The following CFAP54 variants were observed in gnomAD, a reference collection of about 807,000 sequenced individuals.
CFAP54 encodes cilia and flagella associated protein 54.
In CFAP54, 290 loss-of-function variants were observed where a neutral mutation model predicts 370.4. The observed-to-expected ratio is 0.78, with a 90% CI of 0.71 to 0.86. CFAP54 has a LOEUF of 0.86. Ranked by LOEUF, CFAP54 falls within the 40% of genes least tolerant of loss-of-function variation. CFAP54 has a pLI of 0.00. For synonymous variants in CFAP54, 1,206 were observed against 1,236.5 expected, an observed-to-expected ratio of 0.98 and a Z score of 0.52; for missense variants, 3,399 against 3,528.7, an observed-to-expected ratio of 0.96 and a Z score of 0.93.
At chr12:96,757,424 T>G in intron 57 of CFAP54, 71 bp from the exon 58 acceptor site, 1 of 815,102 alleles carries the variant, frequency 1.2e-6, no homozygotes, top group Non-Finnish European at 1.9e-6. Context: ...AGCTCAGAAA[T>G]TGTTGGCAAA....
At chr12:96,821,706 A>G (rs1298312971) in intron 65 of CFAP54, among the ~76,000 whole-genome samples, 1 of 142,192 alleles carries the variant, frequency 7.0e-6, no homozygotes. Flanking sequence ...CTTTATTAAA[A>G]AAAAAAAAAA....
intron 63 of CFAP54, among the ~76,000 whole-genome samples, chr12:96,809,608 C>G (rs1958911671): frequency 6.6e-6 from 1 of 152,108 alleles, no homozygotes; most frequent in Non-Finnish European, 1.5e-5. Flanking sequence ...ATATCTTATT[C>G]TGCAATTTCC....
chr12:96,840,286 A>G (rs1421115088), intron 66 of CFAP54, among the ~76,000 whole-genome samples: 1 of 152,246 alleles, frequency 6.6e-6, no homozygotes, highest in Non-Finnish European at 1.5e-5. Flanking sequence ...GAAATAATCT[A>G]TGCAGTTTTT....
At chr12:96,656,695 T>G (rs1956927254) in intron 36 of CFAP54, among the ~76,000 whole-genome samples, 1 of 152,222 alleles carries the variant, frequency 6.6e-6, no homozygotes, top group African/African-American at 2.4e-5. Flanking sequence ...GCTTCATTGT[T>G]GATAAACACT....
intron 55 of CFAP54, among the ~76,000 whole-genome samples, chr12:96,747,472 A>T (rs1011975861): frequency 5.9e-5 from 9 of 152,240 alleles, no homozygotes; most frequent in Admixed American, 4.6e-4. Flanking sequence ...TGGTCAAGGT[A>T]CAAACCTAAT....
intron 39 of CFAP54, among the ~76,000 whole-genome samples, chr12:96,665,475 C>T (rs1255040386): frequency 6.6e-6 from 1 of 152,106 alleles, no homozygotes; most frequent in Non-Finnish European, 1.5e-5. Flanking sequence ...AGTCTTTAAT[C>T]CATCTTGAGT....
At chr12:96,544,165 T>C (rs1344705649) in intron 14 of CFAP54, among the ~76,000 whole-genome samples, 1 of 146,120 alleles carries the variant, frequency 6.8e-6, no homozygotes, top group Non-Finnish European at 1.5e-5. Context: ...AACACATATA[T>C]TTTGTATGTT....
At chr12:96,736,119 A>G (rs889875264) in intron 50 of CFAP54, among the ~76,000 whole-genome samples, 3 of 152,158 alleles carry the variant, frequency 2.0e-5, no homozygotes, top group African/African-American at 7.2e-5. Flanking sequence ...AAATTTTCTG[A>G]TTCATGTGAA....
intron 26 of CFAP54, among the ~76,000 whole-genome samples, chr12:96,615,912 G>C (rs1003845076): frequency 1.2e-4 from 19 of 152,214 alleles, no homozygotes; most frequent in Non-Finnish European, 1.6e-4. Context: ...TACACAGTTG[G>C]TGGGACTGTA....
intron 25 of CFAP54, among the ~76,000 whole-genome samples, chr12:96,596,703 A>G (rs1956183488): frequency 6.6e-6 from 1 of 152,114 alleles, no homozygotes; most frequent in African/African-American, 2.4e-5. Context: ...AGCAACAAAG[A>G]ACCTATGTGT....
chr12:96,511,104 AG>A (rs535202225), intron 4 of CFAP54, among the ~76,000 whole-genome samples: 373 of 152,286 alleles, frequency 2.4e-3, no homozygotes, highest in South Asian at 7.0e-3. Context: ...GAATAACTGC[AG>A]GTGCTGGGGG....
chr12:96,526,856 A>G (rs954991765), intron 8 of CFAP54, among the ~76,000 whole-genome samples: 3 of 144,390 alleles, frequency 2.1e-5, no homozygotes, highest in African/African-American at 7.7e-5. Flanking sequence ...CATTGTAAGC[A>G]TGCCTTACTT....
At chr12:96,651,536 G>C in intron 35 of CFAP54, 52 bp from the exon 36 acceptor site, 1 of 1,414,140 alleles carries the variant, frequency 7.1e-7, no homozygotes, top group South Asian at 1.2e-5. Context: ...GTTGTTCAGA[G>C]ATCTGTAACT....
At chr12:96,766,464 ACTT>A (rs909887391) in intron 60 of CFAP54, among the ~76,000 whole-genome samples, 3 of 152,098 alleles carry the variant, frequency 2.0e-5, no homozygotes, top group African/African-American at 7.2e-5. Flanking sequence ...GCTGGTCACC[ACTT>A]CTTTGCTTAA....
intron 66 of CFAP54, among the ~76,000 whole-genome samples, chr12:96,846,123 G>GT: frequency 6.6e-6 from 1 of 152,268 alleles, no homozygotes; most frequent in African/African-American, 2.4e-5. Flanking sequence ...TCTTAGCAAA[G>GT]TTTTAAAACC....
chr12:96,621,883 T>TTTTTG (rs1432041360), intron 27 of CFAP54, among the ~76,000 whole-genome samples, 162 bp downstream of exon 27: 14 of 127,656 alleles, frequency 1.1e-4, no homozygotes, highest in African/African-American at 3.2e-4. Context: ...TTGTTTTTTT[T>TTTTTG]TTTTTTTTTT....
chr12:96,793,414 A>C (rs992393103), intron 63 of CFAP54, among the ~76,000 whole-genome samples: 14 of 108,782 alleles, frequency 1.3e-4, no homozygotes, highest in Admixed American at 3.1e-4. Context: ...GTATGTGTGC[A>C]TATGTATATA....
At position 96,743,440 on chromosome 12, in the gene CFAP54, G is replaced by T. The variant is rs1465346435; in HGVS notation, c.7258G>T (p.Val2420Leu). The T allele has an allele frequency of 6.2e-7, 1 of 1,614,030 alleles. No homozygotes were observed. ...AGATTGCCTGAGCCTCATCAATGAA[G>T]TGTGTATGGAGGCAAAAAGCGCAGG... ...MTDCLSLINE[V>L]CMEAKSAGDT... Residue 2420 changes from valine (V) to leucine (L), a missense_variant, in exon 53 of 68, where the codon GTG becomes TTG. By Grantham distance (32) the Val-to-Leu change is conservative. Around this residue, in one of 3 missense-constraint regions of CFAP54, gnomAD observed 2,796 missense variants for 2,869.7 expected, o/e 0.97. Transcript: ENST00000524981.
intron 65 of CFAP54, among the ~76,000 whole-genome samples, chr12:96,825,869 C>G (rs1349886405): frequency 2.3e-5 from 3 of 132,456 alleles, no homozygotes; most frequent in Admixed American, 1.6e-4. Flanking sequence ...TAATATATAA[C>G]AGAATATATC....
Sources: gnomAD v4.1 joint callset for allele counts (sites outside exome capture counted in the v4.1 genomes callset) on GRCh38, gnomAD v4.1.1 for gene constraint, gnomAD v4.1.1 regional missense constraint, MANE v1.5 for transcripts, NCBI Gene and HGNC (gene_info 2026-07-23, HGNC 2026-07-21) for gene names.